ADSL: variants seen among roughly 807,000 people sequenced by gnomAD.
The protein encoded by ADSL is adenylosuccinase.
ADSL carries 44 observed loss-of-function variants against 62.1 expected under a neutral mutation model. The ratio of observed to expected loss-of-function variants is 0.71; its 90% CI spans 0.56 to 0.91. ADSL has a LOEUF of 0.91. Ranked by LOEUF, ADSL falls within the 40% of genes least tolerant of loss-of-function variation. The pLI, the probability that ADSL is intolerant of heterozygous loss-of-function variation, is 0.00. For missense variants in ADSL, 531 were observed against 627.4 expected, an observed-to-expected ratio of 0.85 and a Z score of 1.64; for synonymous variants, 198 against 220.5, an observed-to-expected ratio of 0.90 and a Z score of 0.90.
At chr22:40,370,378 A>T (rs1288767741), downstream of ADSL, among the ~76,000 whole-genome samples, 1 of 148,416 alleles carries the variant, frequency 6.7e-6, no homozygotes, top group African/African-American at 2.5e-5. Context: ...AAAAAAAATT[A>T]GCAAGTTATT....
rs764542443 is a variant in ADSL, at chr22:40,346,706, G to C, written c.148G>C (p.Glu50Gln). Reference sequence around the variant, plus strand: ...GCTGTGGCTGTGGCTGGCGGAGGCCGAGCAGGTAACGGATCCCGGGCTGAG... The same window carrying C: ...GCTGTGGCTGTGGCTGGCGGAGGCCCAGCAGGTAACGGATCCCGGGCTGAG... ...RQLWLWLAEA[E>Q]QTLGLPITDE... The change falls in exon 1 of 13, where the codon GAG becomes CAG. Residue 50 changes from glutamate (E) to glutamine (Q), a missense_variant. This residue lies in a region of ADSL where 471 missense variants were observed against 592.9 expected (regional missense o/e 0.79). Transcript: ENST00000623063. 1.2e-6 allele frequency: 2 copies of C among 1,604,462 alleles called. No individual in the cohort carries two copies. The highest frequency in any genetic ancestry group is 1.7e-6 in the Non-Finnish European group (2 of 1,177,762).
In ADSL at chr22:40,354,302, C is replaced by T. The variant is rs916536706; in HGVS notation, c.457C>T (p.Pro153Ser). 2 of 1,614,004 alleles carry T rather than the reference C, an allele frequency of 1.2e-6. No homozygotes were observed. Among genetic ancestry groups the T allele is most frequent in the Non-Finnish European group, 1.7e-6 (2 of 1,179,996 alleles). ...ADFAKERASL[P>S]TLGFTHFQPA... ...CTTTGCTAAGGAACGAGCCAGTCTA[C>T]CCACATTAGGTTTCACACATTTCCA... is the stretch of plus-strand genomic sequence containing the variant. Residue 153 changes from proline (P) to serine (S), a missense_variant, in exon 4 of 13, where the codon CCC becomes TCC. Around this residue, in one of 2 missense-constraint regions of ADSL, gnomAD observed 471 missense variants for 592.9 expected, o/e 0.79. Coordinates refer to ENST00000623063, the MANE Select transcript of ADSL (RefSeq NM_000026.4).
At chr22:40,347,140 C>G (rs2044173679) in intron 1 of ADSL, among the ~76,000 whole-genome samples, 1 of 152,174 alleles carries the variant, frequency 6.6e-6, no homozygotes, top group Admixed American at 6.5e-5. Context: ...GAGAACAAAG[C>G]CCGGACAGCT....
At chr22:40,373,511 G>A (rs576520319), downstream of ADSL, 1 of 152,296 alleles carries the variant, frequency 6.6e-6, no homozygotes, top group East Asian at 1.9e-4. Context: ...TATAAAGACG[G>A]CTAAGACATG....
intron 2 of ADSL, among the ~76,000 whole-genome samples, chr22:40,385,571 C>T (rs2048283831): frequency 1.3e-5 from 2 of 152,038 alleles, no homozygotes; most frequent in Non-Finnish European, 2.9e-5. Context: ...GGTGAAAAGC[C>T]GTTTTGACAC....
At chr22:40,383,250 G>A (rs1339996904) in intron 2 of ADSL, among the ~76,000 whole-genome samples, 6 of 151,896 alleles carry the variant, frequency 4.0e-5, no homozygotes, top group East Asian at 1.9e-4. Flanking sequence ...GGCAGATCAC[G>A]AGGTCAGGAG....
chr22:40,347,790 T>C (rs2044197308), intron 1 of ADSL, among the ~76,000 whole-genome samples: 1 of 152,254 alleles, frequency 6.6e-6, no homozygotes, highest in Admixed American at 6.5e-5. Flanking sequence ...TGAAATACTA[T>C]GACTGTACCT....
At chr22:40,373,531 C>T (rs1268032670), downstream of ADSL, 1 of 152,180 alleles carries the variant, frequency 6.6e-6, no homozygotes, top group Non-Finnish European at 1.5e-5. Flanking sequence ...GGATCTTGCC[C>T]TCAGGTAGTT....
intron 4 of ADSL, among the ~76,000 whole-genome samples, chr22:40,354,541 C>T (rs1306946338): frequency 6.6e-6 from 1 of 151,982 alleles, no homozygotes; most frequent in Admixed American, 6.6e-5. Context: ...TATCAAGAGC[C>T]TTGAAAAATA....
chr22:40,367,485 T>A lies in ADSL; in HGVS notation c.*963T>A, dbSNP rs1368070099. On this transcript the variant is annotated 3_prime_UTR_variant, in exon 13 of 13. Coordinates refer to ENST00000623063, the MANE Select transcript of ADSL (RefSeq NM_000026.4). ...TGTTTACAGTGTAAGCAAGTGCCAT[T>A]GGACAAGAACGTTGTCTGTGTCATT... The A allele has an allele frequency of 1.2e-5, 2 of 167,766 alleles. No individual in the cohort carries two copies. The highest frequency in any genetic ancestry group is 2.9e-5 in the Non-Finnish European group (2 of 68,274). 10.4% of individuals were successfully genotyped at this position (167,766 alleles called of 1,614,324 possible). A position where few individuals can be genotyped will look rare whatever the true frequency, so the allele number is the denominator to read the frequency against.
intron 2 of ADSL, among the ~76,000 whole-genome samples, chr22:40,374,817 C>T (rs918136936): frequency 5.3e-5 from 8 of 152,064 alleles, no homozygotes; most frequent in African/African-American, 1.2e-4. Flanking sequence ...CTCAGGAGGT[C>T]GAAGTTGCAG....
At chr22:40,354,084 ACT>A in intron 3 of ADSL, 162 bp from the exon 4 acceptor site, 2 of 715,234 alleles carry the variant, frequency 2.8e-6, no homozygotes, top group Non-Finnish European at 5.0e-6. Context: ...GTTACTGTGA[ACT>A]CTTCCAGGCA....
At chr22:40,387,215 A>C in intron 2 of ADSL, 1 of 398,544 alleles carries the variant, frequency 2.5e-6, no homozygotes. Flanking sequence ...TCCTTCTTTC[A>C]TAGGTTTCCT....
In ADSL at chr22:40,366,506, C is replaced by G. The variant is rs796052250; in HGVS notation, c.1439C>G (p.Ala480Gly). 12 of 1,610,388 alleles carry G rather than the reference C, an allele frequency of 7.5e-6. No homozygotes were observed. The highest frequency in any genetic ancestry group is 1.3e-5 in the African/African-American group (1 of 74,794). ...TATGAAAGCGTGATGAAGGTGAAAG[C>G]AGAATTATGTCTGTAGAGTTGGAAG... is the stretch of plus-strand genomic sequence containing the variant. ...KPYESVMKVKAELCL is the reference protein window; with the variant it reads ...KPYESVMKVKGELCL Residue 480 changes from alanine to glycine, a missense_variant, in exon 13 of 13, where the codon GCA (alanine) becomes GGA (glycine). Transcript: ENST00000623063.
chr22:40,364,905 T>C lies in ADSL; in HGVS notation c.1217T>C (p.Leu406Pro). The C allele has an allele frequency of 6.2e-7, 1 of 1,614,234 alleles. No homozygotes were observed. Among genetic ancestry groups the C allele is most frequent in the Non-Finnish European group, 8.5e-7 (1 of 1,180,040 alleles). ...RQDCHEKIRV[L>P]SQQAASVVKQ... ...GATTGCCATGAGAAAATCAGAGTGC[T>C]TTCTCAGCAGGCAGCTTCTGTGGTT... The change falls in exon 12 of 13, where the codon CTT becomes CCT. Residue 406 changes from leucine to proline, a missense_variant. Around this residue, in one of 2 missense-constraint regions of ADSL, gnomAD observed 471 missense variants for 592.9 expected, o/e 0.79. Coordinates refer to ENST00000623063, the MANE Select transcript of ADSL (RefSeq NM_000026.4).
intron 4 of ADSL, among the ~76,000 whole-genome samples, chr22:40,355,569 G>A (rs1313009057): frequency 6.6e-6 from 1 of 152,162 alleles, no homozygotes; most frequent in Non-Finnish European, 1.5e-5. Context: ...TTTTATGACT[G>A]AAAAGCGTTC....
At position 40,368,152 on chromosome 22, in the gene ADSL, CTTGATTGTGTG is replaced by C. The variant is rs1194496606; in HGVS notation, c.*1634_*1644del. On this transcript the variant is annotated 3_prime_UTR_variant, in exon 13 of 13. Coordinates refer to ENST00000623063, the MANE Select transcript of ADSL (RefSeq NM_000026.4). Reference sequence around the variant, plus strand: ...ATATTGCCAGGTGCAGGAAGAGTGACTTGATTGTGTGTTGCCCCAAGAGACACACTGAGCTC... The same window carrying C: ...ATATTGCCAGGTGCAGGAAGAGTGACTTGCCCCAAGAGACACACTGAGCTC... 6.6e-6 allele frequency: 1 copy of C among 152,168 alleles called. No homozygotes were observed. The highest frequency in any genetic ancestry group is 6.5e-5 in the Admixed American group (1 of 15,270). The allele number at this position is 152,168 out of a possible 1,614,324, so 9.4% of individuals were successfully genotyped here.
At position 40,346,563 on chromosome 22, in the gene ADSL, C is replaced by A. The variant is rs143083947; in HGVS notation, c.5C>A (p.Ala2Glu). Residue 2 changes from alanine (A) to glutamate (E), a missense_variant, in exon 1 of 13, where the codon GCG becomes GAG. Transcript: ENST00000623063. M[A>E]AGGDHGSPDS... ...TGGCGGGGTCGCAGGGTTGGGATGG[C>A]GGCTGGAGGCGATCATGGTTCGCCC... 6.2e-6 allele frequency: 10 copies of A among 1,602,916 alleles called. No homozygotes were observed. In the African/African-American group the frequency reaches 1.1e-4, roughly 17 times the overall value.
Position 40,353,498 on chromosome 22 carries a change from G to A in ADSL, c.402+381G>A, listed in dbSNP as rs189270374. ...TGGTTTTTGCCATGTTGCCCAGGCT[G>A]GTCTCAAACTCCTGAGCTCAAGGGA... On this transcript the variant is annotated intron_variant, in intron 3 of 12. Transcript: ENST00000623063. The A allele has an allele frequency of 4.7e-3, 3,184 of 680,334 alleles. 25 individuals carry two copies. The highest frequency in any genetic ancestry group is 9.6e-3 in the Middle Eastern group (26 of 2,722). 42.1% of individuals were successfully genotyped at this position (680,334 alleles called of 1,614,324 possible).
Sources: allele counts gnomAD v4.1 joint callset (sites outside exome capture counted in the v4.1 genomes callset), GRCh38; gene constraint gnomAD v4.1.1; regional missense constraint gnomAD v4.1.1; transcripts MANE v1.5; gene names NCBI Gene and HGNC (gene_info 2026-07-23, HGNC 2026-07-21).